PATJ: variants seen among roughly 807,000 people sequenced by gnomAD.
PATJ encodes inaD-like protein.
A neutral mutation model predicts 224.9 loss-of-function variants in PATJ; 190 were observed. That is an observed-to-expected ratio of 0.84 (90% CI 0.75 to 0.95). The LOEUF is 0.95. PATJ is among the 40% of genes least tolerant of loss of function. PATJ has a pLI of 0.00. For missense variants in PATJ, 2,121 were observed against 2,270.3 expected (o/e 0.93, Z 1.34); for synonymous variants, 769 against 820.3 (o/e 0.94, Z 1.07).
intron 1 of PATJ, among the ~76,000 whole-genome samples, chr1:61,754,218 A>G (rs957862031): frequency 6.6e-6 from 1 of 152,226 alleles, no homozygotes; most frequent in Non-Finnish European, 1.5e-5. Context: ...CCGTGTTTCA[A>G]CAAAGTTGAA....
intron 21 of PATJ, among the ~76,000 whole-genome samples, 186 bp from the exon 22 acceptor site, chr1:61,884,051 C>T (rs1020745000): frequency 1.3e-5 from 2 of 152,012 alleles, no homozygotes; most frequent in Non-Finnish European, 2.9e-5. Flanking sequence ...TTCCTTCCTT[C>T]TTTATTTTTC....
At chr1:62,151,574 G>A (rs61777735) in intron 42 of PATJ, among the ~76,000 whole-genome samples, 11,732 of 151,772 alleles carry the variant, frequency 0.077, 646 homozygotes, top group Middle Eastern at 0.17. Context: ...CTGGGTGACA[G>A]AGCGAGACTC....
intron 1 of PATJ, among the ~76,000 whole-genome samples, chr1:61,747,727 A>G (rs1336521744): frequency 6.6e-6 from 1 of 152,178 alleles, no homozygotes; most frequent in Admixed American, 6.6e-5. Context: ...GTGGAGGAAG[A>G]AAAAACAAAA....
At chr1:61,946,925 A>G (rs1221083436) in intron 27 of PATJ, among the ~76,000 whole-genome samples, 3 of 152,200 alleles carry the variant, frequency 2.0e-5, no homozygotes, top group African/African-American at 4.8e-5. Context: ...ATGCAAACCA[A>G]AAAAAGTAAT....
At chr1:62,076,870 A>G (rs1330191923) in intron 31 of PATJ, among the ~76,000 whole-genome samples, 1 of 152,168 alleles carries the variant, frequency 6.6e-6, no homozygotes, top group Non-Finnish European at 1.5e-5. Context: ...GTTGGAGGTA[A>G]GTACTGTGTG....
intron 32 of PATJ, among the ~76,000 whole-genome samples, chr1:62,081,495 G>C (rs1196905354): frequency 6.6e-6 from 1 of 152,126 alleles, no homozygotes; most frequent in African/African-American, 2.4e-5. Context: ...TGTCTCACCA[G>C]GTTTTTTTCT....
rs187142581 is a variant in PATJ, at chr1:62,138,960, A to C, written c.5272-9324A>C. On this transcript the variant is annotated intron_variant, in intron 41 of 43. Coordinates refer to ENST00000642238, the MANE Select transcript of PATJ (RefSeq NM_001350145.3). ...TCCACTCTGACCTGCATGTATTCATATCTGCCTCCCACACTAGATGACATT... is the reference window on the plus strand; with the variant it reads ...TCCACTCTGACCTGCATGTATTCATCTCTGCCTCCCACACTAGATGACATT... 1.7e-3 allele frequency among the ~76,000 whole-genome samples: 257 copies of C among 152,086 alleles called. 2 individuals are homozygous for C. The highest frequency in any genetic ancestry group is 3.4e-4 in the Non-Finnish European group (23 of 67,990).
intron 22 of PATJ, among the ~76,000 whole-genome samples, chr1:61,887,034 A>C (rs1668979688): frequency 6.6e-6 from 1 of 150,444 alleles, no homozygotes; most frequent in African/African-American, 2.4e-5. Context: ...GTATCAAGGC[A>C]ATGGGAAAAT....
intron 28 of PATJ, among the ~76,000 whole-genome samples, chr1:61,999,468 GA>G (rs960417270): frequency 7.1e-4 from 108 of 152,204 alleles, no homozygotes; most frequent in African/African-American, 2.5e-3. Flanking sequence ...AGGAGTTCAA[GA>G]CCAGCCTGGC....
At position 61,824,490 on chromosome 1, in the gene PATJ, G is replaced by A. The variant is rs563819870; in HGVS notation, c.1818+1411G>A. On this transcript the variant is annotated intron_variant, in intron 15 of 43. Transcript: ENST00000642238. ...GCCTGGGCTGGAGTGCAGTGGTGTG[G>A]TCATAGCTTACTGCAGCGTCAAACT... 7.4e-5 allele frequency among the ~76,000 whole-genome samples: 11 copies of A among 148,050 alleles called. No individual in the cohort carries two copies. In the South Asian group the frequency reaches 1.5e-3, roughly 20 times the overall value.
At chr1:62,111,762 G>C (rs1663846711) in intron 34 of PATJ, among the ~76,000 whole-genome samples, 1 of 150,542 alleles carries the variant, frequency 6.6e-6, no homozygotes, top group South Asian at 2.1e-4. Flanking sequence ...CCAGGTTCAA[G>C]CAATTCTCCT....
chr1:62,051,694 C>T (rs916091933), intron 31 of PATJ, among the ~76,000 whole-genome samples: 1 of 152,082 alleles, frequency 6.6e-6, no homozygotes, highest in African/African-American at 2.4e-5. Context: ...CTTAATTAGT[C>T]CTGGAGGCAC....
intron 30 of PATJ, among the ~76,000 whole-genome samples, chr1:62,043,781 G>A (rs1651982318): frequency 6.6e-6 from 1 of 152,020 alleles, no homozygotes. Flanking sequence ...AGGCTGGAGT[G>A]CAGTGGCATG....
At chr1:61,938,395 GAAACA>G (rs926647398) in intron 27 of PATJ, among the ~76,000 whole-genome samples, 2 of 151,848 alleles carry the variant, frequency 1.3e-5, no homozygotes, top group African/African-American at 2.4e-5. Flanking sequence ...AAAAAAACAA[GAAACA>G]AAACAAAACA....
chr1:62,017,831 G>A lies in PATJ; in HGVS notation c.3868-25G>A, dbSNP rs750337649. 4.9e-6 allele frequency: 6 copies of A among 1,220,246 alleles called. No homozygotes were observed. In the South Asian group the frequency reaches 7.3e-5, roughly 15 times the overall value. The allele number at this position is 1,220,246 out of a possible 1,614,324, so 75.6% of individuals were successfully genotyped here. On this transcript the variant is annotated intron_variant, in intron 28 of 43. Transcript: ENST00000642238. ...TATACTTGTAGACATGTATAATTTA[G>A]TACATTGTGGTTTTTCCCAAACAGA...
intron 8 of PATJ, among the ~76,000 whole-genome samples, 186 bp from the exon 9 acceptor site, chr1:61,791,162 T>C (rs1416230067): frequency 6.6e-6 from 1 of 152,172 alleles, no homozygotes; most frequent in Admixed American, 6.5e-5. Flanking sequence ...TTGGATAGTC[T>C]CCATTTTGCC....
rs35950461 is a variant in PATJ at position 61,886,819 on chromosome 1, C to CAAAAAAA, written c.3131+2417_3131+2423dup. Among the ~76,000 whole-genome samples, 284 of 87,420 alleles carry CAAAAAAA rather than the reference C, an allele frequency of 3.2e-3. 91 individuals are homozygous for CAAAAAAA. The highest frequency in any genetic ancestry group is 7.8e-3 in the East Asian group (37 of 4,716). The allele number at this position is 87,420 out of a possible 152,430, so 57.4% of individuals were successfully genotyped here. ...TGGGCAACAGAGCAAGACCCCATCT[C>CAAAAAAA]AAAAAAAAAAAATTAGCCTGTTGTG... On this transcript the variant is annotated intron_variant, in intron 22 of 43. Transcript: ENST00000642238.
intron 8 of PATJ, 84 bp downstream of exon 8, chr1:61,788,056 C>T (rs1326823808): frequency 4.5e-6 from 5 of 1,108,410 alleles, no homozygotes; most frequent in Non-Finnish European, 6.6e-6. Context: ...CAACTTGAAG[C>T]ACCACATTGG....
chr1:62,056,961 G>T (rs904340358), intron 31 of PATJ, among the ~76,000 whole-genome samples: 15 of 152,100 alleles, frequency 9.9e-5, no homozygotes, highest in African/African-American at 3.4e-4. Context: ...TGAGTAGCTG[G>T]GAATACAGGC....
Sources: gnomAD v4.1 joint callset for allele counts (sites outside exome capture counted in the v4.1 genomes callset) on GRCh38, gnomAD v4.1.1 for gene constraint, MANE v1.5 for transcripts, NCBI Gene and HGNC (gene_info 2026-07-23, HGNC 2026-07-21) for gene names.